GTF2A1: variants seen among roughly 807,000 people sequenced by gnomAD.
GTF2A1 encodes general transcription factor IIA subunit 1, also known as transcription initiation factor IIA subunit 1.
A neutral mutation model predicts 54.1 loss-of-function variants in GTF2A1; 12 were observed. The ratio of observed to expected loss-of-function variants is 0.22; its 90% CI spans 0.14 to 0.36. The LOEUF is 0.36. Among genes scored for constraint, GTF2A1 ranks in the 10% least tolerant of loss-of-function variants. The pLI, the probability that GTF2A1 is intolerant of heterozygous loss-of-function variation, is 1.00. For missense variants in GTF2A1, 335 were observed against 442.2 expected (o/e 0.76, Z 2.17); for synonymous variants, 145 against 152.0 (o/e 0.95, Z 0.34).
At chr14:81,190,661 T>A in intron 7 of GTF2A1, among the ~76,000 whole-genome samples, 1 of 149,822 alleles carries the variant, frequency 6.7e-6, no homozygotes, top group Non-Finnish European at 1.5e-5. Context: ...AGATATCCAT[T>A]AAAAAAAAAG....
chr14:81,187,124 G>A (rs550670867), intron 7 of GTF2A1, among the ~76,000 whole-genome samples: 1 of 152,258 alleles, frequency 6.6e-6, no homozygotes, highest in South Asian at 2.1e-4. Flanking sequence ...GGAGGCTGAG[G>A]CAGGCAGATC....
chr14:81,220,696 G>T lies in GTF2A1; in HGVS notation c.-178C>A. ...GGGAGAGCGGAGAGAGGAGGAGGAG[G>T]GGGGCACTCCTCCCGCAGCTGAAAA... On this transcript the variant is annotated 5_prime_UTR_variant, in exon 1 of 9. Coordinates refer to ENST00000553612, the MANE Select transcript of GTF2A1 (RefSeq NM_015859.4). The T allele has an allele frequency of 2.5e-6, 1 of 401,296 alleles. No homozygotes were observed. Among genetic ancestry groups the T allele is most frequent in the South Asian group, 7.7e-5 (1 of 13,018 alleles). 24.9% of individuals were successfully genotyped at this position (401,296 alleles called of 1,614,324 possible).
intron 2 of GTF2A1, among the ~76,000 whole-genome samples, chr14:81,211,128 C>T (rs1893355013): frequency 6.6e-6 from 1 of 152,174 alleles, no homozygotes; most frequent in Non-Finnish European, 1.5e-5. Context: ...AGTTAGGTAG[C>T]TTATTCAAGA....
chr14:81,207,139 G>A (rs145888390), intron 2 of GTF2A1, among the ~76,000 whole-genome samples: 1 of 147,780 alleles, frequency 6.8e-6, no homozygotes, highest in African/African-American at 2.5e-5. Context: ...ACCTACCTAC[G>A]TACCTACCTA....
At chr14:81,184,733 G>C (rs1488985951) in intron 8 of GTF2A1, among the ~76,000 whole-genome samples, 1 of 152,120 alleles carries the variant, frequency 6.6e-6, no homozygotes, top group Non-Finnish European at 1.5e-5. Flanking sequence ...ATAGTGTCTG[G>C]TAAATTTCCG....
intron 2 of GTF2A1, among the ~76,000 whole-genome samples, chr14:81,208,329 G>A (rs192705202): frequency 1.3e-5 from 2 of 152,348 alleles, no homozygotes; most frequent in Admixed American, 6.5e-5. Flanking sequence ...CGTTCCTGTG[G>A]TGTTGAGCCT....
intron 2 of GTF2A1, among the ~76,000 whole-genome samples, chr14:81,215,168 G>A (rs755441439): frequency 1.1e-4 from 16 of 152,070 alleles, no homozygotes; most frequent in South Asian, 2.1e-4. Context: ...ACTTCATTAC[G>A]GAATATCAAA....
intron 5 of GTF2A1, among the ~76,000 whole-genome samples, chr14:81,196,639 A>G (rs1033386004): frequency 1.2e-4 from 18 of 152,192 alleles, no homozygotes; most frequent in Admixed American, 8.5e-4. Flanking sequence ...AGCTCATTTA[A>G]TATCTTGAAC....
At chr14:81,183,178 C>A (rs1303578493) in intron 8 of GTF2A1, among the ~76,000 whole-genome samples, 1 of 152,132 alleles carries the variant, frequency 6.6e-6, no homozygotes, top group East Asian at 1.9e-4. Flanking sequence ...GTATCTCAAG[C>A]TCCAAGAATA....
At chr14:81,196,847 TCA>T (rs1230891646) in intron 5 of GTF2A1, among the ~76,000 whole-genome samples, 1 of 152,082 alleles carries the variant, frequency 6.6e-6, no homozygotes, top group Non-Finnish European at 1.5e-5. Context: ...GCCCCTAATT[TCA>T]CAAATTTACA....
In GTF2A1 at chr14:81,188,863, A is replaced by T. The variant is rs571088506; in HGVS notation, c.934-3243T>A. Among the ~76,000 whole-genome samples, 17 of 152,000 alleles carry T rather than the reference A, an allele frequency of 1.1e-4. No homozygotes were observed. The South Asian group carries it at 3.5e-3, about 32-fold the overall frequency. ...AGAGTTTTATAATTTCAGCTCTTAG[A>T]TGTAGGTCCCTAATCCACTTTAATT... On this transcript the variant is annotated intron_variant, in intron 7 of 8. Coordinates refer to ENST00000553612, the MANE Select transcript of GTF2A1 (RefSeq NM_015859.4).
intron 1 of GTF2A1, 75 bp downstream of exon 1, chr14:81,220,414 T>TCCCCGC (rs1254154785): frequency 1.9e-6 from 2 of 1,049,734 alleles, no homozygotes; most frequent in African/African-American, 3.4e-5. Context: ...GTCGCCGCCG[T>TCCCCGC]CCCCGCCCCC....
chr14:81,215,723 C>T (rs1158626589), intron 2 of GTF2A1, among the ~76,000 whole-genome samples: 3 of 152,094 alleles, frequency 2.0e-5, no homozygotes, highest in African/African-American at 4.8e-5. Flanking sequence ...AATACAGGTA[C>T]ATTAAGACCA....
At chr14:81,195,360 G>A (rs1381658530) in intron 6 of GTF2A1, among the ~76,000 whole-genome samples, 4 of 150,664 alleles carry the variant, frequency 2.7e-5, no homozygotes, top group East Asian at 2.0e-4. Flanking sequence ...AAGGCCGGGC[G>A]CAGTGGCTCA....
Position 81,220,631 on chromosome 14 carries a change from G to C in GTF2A1, c.-113C>G, listed in dbSNP as rs1893614134. On this transcript the variant is annotated 5_prime_UTR_variant, in exon 1 of 9. Coordinates refer to ENST00000553612, the MANE Select transcript of GTF2A1 (RefSeq NM_015859.4). ...GGGTGACCCAAATCACCGCAAGATTGGGGAAAAAATTTTAAACAAAATCAA... is the reference window on the plus strand; with the variant it reads ...GGGTGACCCAAATCACCGCAAGATTCGGGAAAAAATTTTAAACAAAATCAA... 1.2e-6 allele frequency: 1 copy of C among 801,332 alleles called. No individual in the cohort carries two copies. Among genetic ancestry groups the C allele is most frequent in the Non-Finnish European group, 1.9e-6 (1 of 528,464 alleles). 49.6% of individuals were successfully genotyped at this position (801,332 alleles called of 1,614,324 possible).
chr14:81,189,738 T>C (rs146291108), intron 7 of GTF2A1, among the ~76,000 whole-genome samples: 135 of 151,910 alleles, frequency 8.9e-4, no homozygotes, highest in African/African-American at 3.1e-3. Flanking sequence ...GCAAACCTAC[T>C]GACAATATAA....
At chr14:81,197,897 T>G (rs2140158446) in intron 4 of GTF2A1, among the ~76,000 whole-genome samples, 1 of 152,314 alleles carries the variant, frequency 6.6e-6, no homozygotes, top group South Asian at 2.1e-4. Context: ...TTGCTTCCTT[T>G]CCCACTGTTT....
At chr14:81,217,531 CCTTG>C (rs1893512840) in intron 1 of GTF2A1, among the ~76,000 whole-genome samples, 1 of 152,194 alleles carries the variant, frequency 6.6e-6, no homozygotes, top group Non-Finnish European at 1.5e-5. Flanking sequence ...CTGTTTCATA[CCTTG>C]CTTAAGGTTA....
intron 7 of GTF2A1, among the ~76,000 whole-genome samples, chr14:81,190,552 T>C (rs1892854671): frequency 6.6e-6 from 1 of 152,116 alleles, no homozygotes; most frequent in South Asian, 2.1e-4. Flanking sequence ...TGAGAAATTA[T>C]ACAAATCATT....
Sources: gnomAD v4.1 joint callset for allele counts (sites outside exome capture counted in the v4.1 genomes callset) on GRCh38, gnomAD v4.1.1 for gene constraint, MANE v1.5 for transcripts, NCBI Gene and HGNC (gene_info 2026-07-23, HGNC 2026-07-21) for gene names.